Variants in KIAA0319 observed in about 807,000 individuals in gnomAD.
KIAA0319 encodes the protein dyslexia-associated protein KIAA0319.
Under a neutral mutation model 108.4 loss-of-function variants are expected in KIAA0319, and 83 were observed. The ratio of observed to expected loss-of-function variants is 0.77; its 90% confidence interval spans 0.64 to 0.92. The LOEUF (loss-of-function observed/expected upper bound fraction) is 0.92. KIAA0319 is among the 40% of genes least tolerant of loss of function. The pLI, the probability that KIAA0319 is intolerant of heterozygous loss-of-function variation, is 0.00. For missense variants in KIAA0319, 1,195 were observed against 1,322.4 expected, an observed-to-expected ratio of 0.90 and a Z score of 1.49; for synonymous variants, 484 against 510.4, an observed-to-expected ratio of 0.95 and a Z score of 0.70.
intron 13 of KIAA0319, 55 bp from the exon 14 acceptor site, chr6:24,566,803 T>C: frequency 1.4e-6 from 2 of 1,477,288 alleles, no homozygotes; most frequent in Non-Finnish European, 9.3e-7. Context: ...ACACCAGTGA[T>C]AGAATAAGTG....
chr6:24,556,643 T>C lies in KIAA0319; in HGVS notation c.2821A>G (p.Ile941Val). Reference sequence around the variant, plus strand: ...TCTCCATCCCAGATATAACGCTGTATAAGGTTCTCCATCCATAAGTGAGAG... The same window carrying C: ...TCTCCATCCCAGATATAACGCTGTACAAGGTTCTCCATCCATAAGTGAGAG... The part of the protein sequence containing the change: ...ICSHLWMENL[I>V]QRYIWDGESN... The change falls in exon 18 of 21, where the codon ATA becomes GTA. Residue 941 changes from isoleucine to valine, a missense_variant. Ile to Val is a conservative substitution (Grantham distance 29). Coordinates refer to ENST00000378214, the MANE Select transcript of KIAA0319 (RefSeq NM_014809.4). The C allele has an allele frequency of 6.2e-7, 1 of 1,614,034 alleles. No homozygotes were observed. Among genetic ancestry groups the C allele is most frequent in the Non-Finnish European group, 8.5e-7 (1 of 1,179,964 alleles).
intron 8 of KIAA0319, among the ~76,000 whole-genome samples, chr6:24,579,431 A>ATC (rs956784745): frequency 5.2e-5 from 7 of 134,726 alleles, no homozygotes; most frequent in Non-Finnish European, 7.8e-5. Flanking sequence ...ATATATATAT[A>ATC]TCTTATATAT....
intron 12 of KIAA0319, among the ~76,000 whole-genome samples, chr6:24,569,605 G>C (rs1229601270): frequency 6.6e-6 from 1 of 152,146 alleles, no homozygotes; most frequent in Non-Finnish European, 1.5e-5. Context: ...CTGCAGGATG[G>C]GTTGAGTGTA....
intron 19 of KIAA0319, 49 bp from the exon 20 acceptor site, chr6:24,551,574 G>A: frequency 7.9e-7 from 1 of 1,268,718 alleles, no homozygotes. Flanking sequence ...AAAGGTAACT[G>A]AGAGCTAGGA....
Position 24,566,682 on chromosome 6 carries a change from A to T in KIAA0319, c.2207T>A (p.Ile736Asn). The change falls in exon 14 of 21, where the codon ATT becomes AAT. Residue 736 changes from isoleucine to asparagine, a missense_variant. Physicochemically the swap from Ile to Asn is moderately radical, Grantham distance 149. Coordinates refer to ENST00000378214, the MANE Select transcript of KIAA0319 (RefSeq NM_014809.4). ...RHVLVLPNNS[I>N]TLDGSRSTDD... ...AGTAGACCTTGAACCATCCAAAGTAATGGAATTATTGGGAAGCACAAGAAC... is the reference window on the plus strand; with the variant it reads ...AGTAGACCTTGAACCATCCAAAGTATTGGAATTATTGGGAAGCACAAGAAC... 1 of 1,613,664 alleles carries T rather than the reference A, an allele frequency of 6.2e-7. No individual in the cohort carries two copies. The highest frequency in any genetic ancestry group is 8.5e-7 in the Non-Finnish European group (1 of 1,179,744).
chr6:24,591,730 C>T (rs1768502974), intron 3 of KIAA0319, among the ~76,000 whole-genome samples: 1 of 152,286 alleles, frequency 6.6e-6, no homozygotes, highest in Admixed American at 6.5e-5. Flanking sequence ...TTATTCTAGC[C>T]ATCTAGTAGA....
intron 5 of KIAA0319, among the ~76,000 whole-genome samples, 183 bp from the exon 6 acceptor site, chr6:24,582,529 A>G (rs937250249): frequency 6.7e-6 from 1 of 148,986 alleles, no homozygotes; most frequent in Non-Finnish European, 1.5e-5. Flanking sequence ...TTATCCCCTC[A>G]CTCTTGTTAT....
intron 13 of KIAA0319, among the ~76,000 whole-genome samples, chr6:24,568,048 C>T (rs1377363541): frequency 6.6e-6 from 1 of 152,240 alleles, no homozygotes; most frequent in Non-Finnish European, 1.5e-5. Flanking sequence ...CCTCTCCCAG[C>T]TGCCCAGAGG....
chr6:24,612,603 C>A (rs972493109), intron 1 of KIAA0319, among the ~76,000 whole-genome samples: 1 of 152,110 alleles, frequency 6.6e-6, no homozygotes, highest in Non-Finnish European at 1.5e-5. Flanking sequence ...CTGTTATATA[C>A]CAGCACCTTT....
intron 1 of KIAA0319, among the ~76,000 whole-genome samples, chr6:24,642,292 GAAGAA>G (rs1349887528): frequency 2.6e-5 from 4 of 151,736 alleles, no homozygotes; most frequent in Admixed American, 6.6e-5. Context: ...AAGAAAGAAA[GAAGAA>G]AAGAAAAGAA....
At chr6:24,625,364 G>C (rs1049517156) in intron 1 of KIAA0319, among the ~76,000 whole-genome samples, 1 of 151,870 alleles carries the variant, frequency 6.6e-6, no homozygotes, top group Non-Finnish European at 1.5e-5. Context: ...GACCCAAAAA[G>C]CAAACATTAT....
chr6:24,552,915 G>A (rs1214681939), intron 19 of KIAA0319, among the ~76,000 whole-genome samples: 5 of 152,006 alleles, frequency 3.3e-5, no homozygotes, highest in African/African-American at 1.2e-4. Flanking sequence ...TAAAATATAC[G>A]TTTTTTAAAA....
chr6:24,572,939 A>C (rs548083085), intron 10 of KIAA0319, among the ~76,000 whole-genome samples: 2 of 152,230 alleles, frequency 1.3e-5, no homozygotes, highest in Middle Eastern at 6.8e-3. Context: ...AACATGGTGG[A>C]ACCCCGTCTC....
At chr6:24,602,062 G>A (rs1770702948) in intron 1 of KIAA0319, among the ~76,000 whole-genome samples, 1 of 150,722 alleles carries the variant, frequency 6.6e-6, no homozygotes, top group Non-Finnish European at 1.5e-5. Context: ...CTGTCATCCA[G>A]GTTGCAGTGC....
At position 24,625,303 on chromosome 6, in the gene KIAA0319, T is replaced by C. The variant is rs191235648; in HGVS notation, c.-106+20433A>G. On this transcript the variant is annotated intron_variant, in intron 1 of 20. Coordinates refer to ENST00000378214, the MANE Select transcript of KIAA0319 (RefSeq NM_014809.4). ...AAGCTTTAAAACTATTAAAAGTAAATGTAGCAGAAATATCTTTCTAACCAC... is the reference window on the plus strand; with the variant it reads ...AAGCTTTAAAACTATTAAAAGTAAACGTAGCAGAAATATCTTTCTAACCAC... Among the ~76,000 whole-genome samples the C allele has an allele frequency of 1.1e-3, 168 of 152,266 alleles. 1 individual carries two copies. Among genetic ancestry groups the C allele is most frequent in the Middle Eastern group, 6.8e-3 (2 of 294 alleles).
intron 4 of KIAA0319, among the ~76,000 whole-genome samples, chr6:24,585,424 T>G (rs1037527863): frequency 6.1e-4 from 93 of 152,128 alleles, no homozygotes; most frequent in African/African-American, 2.1e-3. Context: ...AAAACAGTTT[T>G]GTTGAATTTC....
At chr6:24,619,385 A>G (rs976955646) in intron 1 of KIAA0319, among the ~76,000 whole-genome samples, 46 of 152,334 alleles carry the variant, frequency 3.0e-4, no homozygotes, top group African/African-American at 1.1e-3. Flanking sequence ...AAGGTAGAGC[A>G]TATAGGATTT....
intron 1 of KIAA0319, among the ~76,000 whole-genome samples, chr6:24,640,306 A>T (rs1378143444): frequency 1.3e-5 from 2 of 152,232 alleles, no homozygotes; most frequent in African/African-American, 4.8e-5. Flanking sequence ...AGATGAGGGC[A>T]TTAGGGAAGC....
intron 1 of KIAA0319, among the ~76,000 whole-genome samples, chr6:24,626,492 A>G (rs888340780): frequency 6.6e-6 from 1 of 152,230 alleles, no homozygotes; most frequent in Non-Finnish European, 1.5e-5. Flanking sequence ...AGATCGTGCC[A>G]CTGCACTCCA....
Sources: gnomAD v4.1 joint callset for allele counts (sites outside exome capture counted in the v4.1 genomes callset) on GRCh38, gnomAD v4.1.1 for gene constraint, MANE v1.5 for transcripts, NCBI Gene and HGNC (gene_info 2026-07-23, HGNC 2026-07-21) for gene names.